The following RIN2 variants were observed in gnomAD, a reference collection of about 807,000 sequenced individuals.
The protein encoded by RIN2 is RAB5 interacting protein 2.
RIN2 carries 36 observed loss-of-function variants against 78.0 expected under a neutral mutation model. The ratio of observed to expected loss-of-function variants is 0.46; its 90% CI spans 0.35 to 0.61. RIN2 has a LOEUF of 0.61. Ranked by LOEUF, RIN2 falls within the 20% of genes least tolerant of loss-of-function variation. The probability of loss-of-function intolerance (pLI) is 0.00; values close to 1 mark genes in which losing one functional copy is unlikely to be tolerated. For missense variants in RIN2, 1,087 were observed against 1,159.7 expected, an observed-to-expected ratio of 0.94 and a Z score of 0.91; for synonymous variants, 466 against 466.8, an observed-to-expected ratio of 1.00 and a Z score of 0.02.
rs139542276 is a variant in RIN2, at chr20:19,894,475, C to T, written c.57+4817C>T. On this transcript the variant is annotated intron_variant, in intron 3 of 12. Transcript: ENST00000255006. The stretch of plus-strand genomic sequence containing the variant: ...CTGTGTTGTCCAGGCTGGCCTCAAA[C>T]TCCTAGCTTGAAGCAATCCTCCTGC... Among the ~76,000 whole-genome samples, 512 of 152,278 alleles carry T rather than the reference C, an allele frequency of 3.4e-3. 3 individuals are homozygous for T. The highest frequency in any genetic ancestry group is 0.012 in the African/African-American group (479 of 41,554).
intron 3 of RIN2, among the ~76,000 whole-genome samples, chr20:19,903,042 G>A (rs992276983): frequency 6.6e-6 from 1 of 152,116 alleles, no homozygotes; most frequent in Non-Finnish European, 1.5e-5. Context: ...GCCGTGAGCC[G>A]AGATTGTGCC....
chr20:19,809,623 G>C (rs1042403153), intron 2 of RIN2: 2 of 152,434 alleles, frequency 1.3e-5, no homozygotes, highest in African/African-American at 4.8e-5. Context: ...CAAGTCCAAA[G>C]TCTGATCAGC....
intron 3 of RIN2, among the ~76,000 whole-genome samples, chr20:19,908,092 G>A (rs2102471): frequency 0.26 from 39,663 of 151,960 alleles, 6,414 homozygotes; most frequent in East Asian, 0.54. Flanking sequence ...ACCACAGTCG[G>A]GAGAGCTTAG....
At chr20:19,816,867 AAAAGT>A (rs1378758102) in intron 2 of RIN2, among the ~76,000 whole-genome samples, 4 of 152,262 alleles carry the variant, frequency 2.6e-5, no homozygotes, top group African/African-American at 9.6e-5. Context: ...TGAATAAGAG[AAAAGT>A]AAATAAAAAC....
At chr20:19,775,246 C>T (rs529813651) in intron 1 of RIN2, among the ~76,000 whole-genome samples, 1 of 152,292 alleles carries the variant, frequency 6.6e-6, no homozygotes, top group Non-Finnish European at 1.5e-5. Flanking sequence ...CTAGGGTTAA[C>T]TCGTGTAATA....
chr20:19,856,951 C>T (rs2037189691), intron 2 of RIN2, among the ~76,000 whole-genome samples: 2 of 152,052 alleles, frequency 1.3e-5, no homozygotes, highest in East Asian at 3.9e-4. Context: ...TAGCCAGTAT[C>T]CCCCCTCATT....
intron 6 of RIN2, among the ~76,000 whole-genome samples, chr20:19,962,921 C>T (rs1411242316): frequency 1.3e-5 from 2 of 152,102 alleles, no homozygotes; most frequent in African/African-American, 4.8e-5. Flanking sequence ...AGTGCCGTTG[C>T]ACTCTCCAGC....
chr20:19,990,321 C>T lies in RIN2; in HGVS notation c.2068+10C>T. 1 of 1,598,708 alleles carries T rather than the reference C, an allele frequency of 6.3e-7. No homozygotes were observed. ...ATGGAGAACAACTCAGGTGAGGCCG[C>T]TGGAAGCCCAGGCTTCGTGCCGCTT... is the stretch of plus-strand genomic sequence containing the variant. On this transcript the variant is annotated intron_variant, in intron 10 of 12. Coordinates refer to ENST00000255006, the MANE Select transcript of RIN2 (RefSeq NM_018993.4).
intron 3 of RIN2, among the ~76,000 whole-genome samples, chr20:19,932,947 C>T (rs1010818643): frequency 2.0e-5 from 3 of 152,194 alleles, no homozygotes; most frequent in Admixed American, 6.5e-5. Flanking sequence ...CCAAACACTT[C>T]GGAGCCATCC....
Position 19,876,228 on chromosome 20 carries a change from T to G in RIN2, c.-36-13338T>G, listed in dbSNP as rs2037850694. 2.0e-5 allele frequency among the ~76,000 whole-genome samples: 3 copies of G among 152,194 alleles called. No individual in the cohort carries two copies. The South Asian group carries it at 6.2e-4, about 32-fold the overall frequency. On this transcript the variant is annotated intron_variant, in intron 2 of 12. Coordinates refer to ENST00000255006, the MANE Select transcript of RIN2 (RefSeq NM_018993.4). ...TTATTTTTATTTGATCCAGGCAAAG[T>G]AAGTAGTTGCAATCCAGAAATAATG...
intron 3 of RIN2, among the ~76,000 whole-genome samples, chr20:19,933,328 CCTCCAGAACTTTCT>C (rs1600852471): frequency 1.3e-5 from 2 of 152,342 alleles, no homozygotes; most frequent in South Asian, 4.1e-4. Flanking sequence ...ACCTTCCTGG[CCTCCAGAACTTTCT>C]CTCCATGTGG....
At chr20:19,936,579 C>A (rs540091909) in intron 4 of RIN2, among the ~76,000 whole-genome samples, 1 of 152,114 alleles carries the variant, frequency 6.6e-6, no homozygotes, top group Non-Finnish European at 1.5e-5. Context: ...AGACACAGAG[C>A]GGCGGAAACC....
At chr20:19,864,991 A>G (rs2037457152) in intron 2 of RIN2, among the ~76,000 whole-genome samples, 1 of 152,196 alleles carries the variant, frequency 6.6e-6, no homozygotes, top group Admixed American at 6.5e-5. Flanking sequence ...TCTTTTAAGT[A>G]TCTGAAAGAC....
intron 3 of RIN2, among the ~76,000 whole-genome samples, chr20:19,930,451 C>T (rs2040397870): frequency 6.6e-6 from 1 of 152,192 alleles, no homozygotes; most frequent in South Asian, 2.1e-4. Flanking sequence ...AACAGCCTGG[C>T]TGAAGGGAAT....
At chr20:19,959,347 C>T (rs1192692118) in intron 5 of RIN2, among the ~76,000 whole-genome samples, 1 of 152,140 alleles carries the variant, frequency 6.6e-6, no homozygotes, top group East Asian at 1.9e-4. Flanking sequence ...ACTTCCTCTC[C>T]TAACAACCAA....
intron 3 of RIN2, among the ~76,000 whole-genome samples, chr20:19,933,482 C>T (rs2040515208): frequency 6.6e-6 from 1 of 152,176 alleles, no homozygotes; most frequent in Non-Finnish European, 1.5e-5. Flanking sequence ...TTACCTTCAC[C>T]TGTCTTCATT....
chr20:19,842,934 A>G (rs373293964), intron 2 of RIN2, among the ~76,000 whole-genome samples: 1 of 152,056 alleles, frequency 6.6e-6, no homozygotes, highest in Non-Finnish European at 1.5e-5. Flanking sequence ...AAATATCAGT[A>G]TAAATTGGAG....
intron 3 of RIN2, among the ~76,000 whole-genome samples, chr20:19,932,913 A>G (rs2040493731): frequency 6.6e-6 from 1 of 152,206 alleles, no homozygotes; most frequent in African/African-American, 2.4e-5. Context: ...AGTCAAGGGC[A>G]ATGCCATTTA....
At chr20:19,968,968 G>A (rs982142500) in intron 7 of RIN2, among the ~76,000 whole-genome samples, 4 of 150,094 alleles carry the variant, frequency 2.7e-5, no homozygotes, top group Non-Finnish European at 4.4e-5. Flanking sequence ...CAAAGGGGGT[G>A]CTCACAACAT....
Sources: gnomAD v4.1 joint callset for allele counts (sites outside exome capture counted in the v4.1 genomes callset) on GRCh38, gnomAD v4.1.1 for gene constraint, MANE v1.5 for transcripts, NCBI Gene and HGNC (gene_info 2026-07-23, HGNC 2026-07-21) for gene names.